APBA1: variants seen among roughly 807,000 people sequenced by gnomAD.
APBA1 encodes the protein amyloid beta precursor protein binding family A member 1, also known as amyloid-beta A4 precursor protein-binding family A member 1.
A neutral mutation model predicts 86.6 loss-of-function variants in APBA1; 55 were observed. That is an observed-to-expected ratio of 0.64 (90% CI 0.51 to 0.80). The LOEUF is 0.80. APBA1 is among the 30% of genes least tolerant of loss of function. APBA1 has a pLI of 0.00. For missense variants in APBA1, 1,090 were observed against 1,183.0 expected, an observed-to-expected ratio of 0.92 and a Z score of 1.15; for synonymous variants, 511 against 493.9, an observed-to-expected ratio of 1.03 and a Z score of -0.46.
chr9:69,499,491 C>G (rs1176542532), intron 2 of APBA1, among the ~76,000 whole-genome samples: 1 of 152,018 alleles, frequency 6.6e-6, no homozygotes, highest in Non-Finnish European at 1.5e-5. Context: ...TTCAGAATAC[C>G]TTAACAAGAA....
intron 11 of APBA1, among the ~76,000 whole-genome samples, chr9:69,435,591 A>T (rs1004806032): frequency 3.9e-5 from 6 of 152,154 alleles, no homozygotes; most frequent in African/African-American, 9.7e-5. Context: ...CATAAATGTC[A>T]TCTTTTGAGA....
chr9:69,538,935 A>C (rs1338337158), intron 1 of APBA1, among the ~76,000 whole-genome samples: 1 of 152,162 alleles, frequency 6.6e-6, no homozygotes, highest in African/African-American at 2.4e-5. Flanking sequence ...ATATTGCAAT[A>C]TCTTGTAGTC....
At chr9:69,571,117 A>T (rs974703387) in intron 1 of APBA1, among the ~76,000 whole-genome samples, 2 of 152,192 alleles carry the variant, frequency 1.3e-5, no homozygotes, top group African/African-American at 4.8e-5. Context: ...CACAACTTTT[A>T]TTATCAACTG....
chr9:69,533,965 G>T (rs569356921), intron 1 of APBA1, among the ~76,000 whole-genome samples: 1 of 152,244 alleles, frequency 6.6e-6, no homozygotes, highest in Non-Finnish European at 1.5e-5. Context: ...AATCCCAATG[G>T]ATTCATTTAC....
chr9:69,521,165 T>C (rs1183504395), intron 1 of APBA1, among the ~76,000 whole-genome samples: 3 of 152,150 alleles, frequency 2.0e-5, no homozygotes, highest in Non-Finnish European at 4.4e-5. Context: ...GTCACACATC[T>C]GGTAAGGGAG....
chr9:69,451,739 CTGTT>C (rs1329755577), intron 9 of APBA1, among the ~76,000 whole-genome samples: 2 of 152,158 alleles, frequency 1.3e-5, no homozygotes, highest in African/African-American at 2.4e-5. Context: ...GAGATCTTCT[CTGTT>C]TGTCCAAGTG....
At chr9:69,472,576 T>TA (rs1835382963) in intron 3 of APBA1, 1 of 152,208 alleles carries the variant, frequency 6.6e-6, no homozygotes, top group Non-Finnish European at 1.5e-5. Flanking sequence ...GACAAGTCCC[T>TA]AAAATGGGCA....
At chr9:69,619,941 T>C (rs1416313864) in intron 1 of APBA1, among the ~76,000 whole-genome samples, 1 of 152,242 alleles carries the variant, frequency 6.6e-6, no homozygotes, top group Non-Finnish European at 1.5e-5. Context: ...TAAAAATTTG[T>C]ATTCTCGGTT....
In APBA1 at chr9:69,516,295, G is replaced by A. The variant is rs36065434; in HGVS notation, c.916C>T (p.Pro306Ser). 6.4e-7 allele frequency: 1 copy of A among 1,553,992 alleles called. No homozygotes were observed. The highest frequency in any genetic ancestry group is 8.6e-7 in the Non-Finnish European group (1 of 1,156,518). ...GGGCTGTCGGGGCGACCCCCGGCCG[G>A]GGTAGGGGGACGCTCCAGGTCCTGC... ...AEQDLERPPT[P>S]AGGRPDSPGL... Residue 306 changes from proline (P) to serine (S), a missense_variant, in exon 2 of 13, where the codon CCG becomes TCG. Physicochemically the swap from Pro to Ser is moderately conservative, Grantham distance 74. Around this residue, in one of 6 missense-constraint regions of APBA1, gnomAD observed 678 missense variants for 647.1 expected, o/e 1.05. Transcript: ENST00000265381. This position sits in a 1 kb window ranked among gnomAD's most constrained non-coding sequence, Gnocchi z 7.3.
chr9:69,615,010 C>A (rs1162889677), intron 1 of APBA1, among the ~76,000 whole-genome samples: 1 of 152,118 alleles, frequency 6.6e-6, no homozygotes, highest in Admixed American at 6.5e-5. Context: ...ACCAGCCTGG[C>A]CAACATGGTG....
In APBA1 at chr9:69,516,405, T is replaced by G; in HGVS notation, c.806A>C (p.Asp269Ala). The G allele has an allele frequency of 6.2e-7, 1 of 1,604,596 alleles. No individual in the cohort carries two copies. Among genetic ancestry groups the G allele is most frequent in the Non-Finnish European group, 8.5e-7 (1 of 1,178,684 alleles). The change falls in exon 2 of 13, where the codon GAC (aspartate) becomes GCC (alanine). Residue 269 changes from aspartate to alanine, a missense_variant. By Grantham distance (126) the Asp-to-Ala change is moderately radical. Coordinates refer to ENST00000265381, the MANE Select transcript of APBA1 (RefSeq NM_001163.4). This position sits in a 1 kb window ranked among gnomAD's most constrained non-coding sequence, Gnocchi z 7.3. ...PRMDSYEQEE[D>A]IDQIVAEVKQ... Reference sequence around the variant, plus strand: ...CACCTCGGCCACTATCTGGTCGATGTCCTCCTCCTGCTCGTAGCTGTCCAT... The same window carrying G: ...CACCTCGGCCACTATCTGGTCGATGGCCTCCTCCTGCTCGTAGCTGTCCAT...
At chr9:69,481,647 G>C (rs1835510768) in intron 2 of APBA1, among the ~76,000 whole-genome samples, 1 of 150,756 alleles carries the variant, frequency 6.6e-6, no homozygotes, top group Admixed American at 6.6e-5. Context: ...AACCAAAAAA[G>C]AGCCCGCATC....
chr9:69,660,262 G>T (rs1306647270), intron 1 of APBA1, among the ~76,000 whole-genome samples: 2 of 152,148 alleles, frequency 1.3e-5, no homozygotes, highest in Non-Finnish European at 2.9e-5. Flanking sequence ...ACATGGTAGG[G>T]AAATACAAAG....
At chr9:69,468,199 G>A (rs1489972926) in intron 4 of APBA1, among the ~76,000 whole-genome samples, 1 of 152,204 alleles carries the variant, frequency 6.6e-6, no homozygotes, top group Non-Finnish European at 1.5e-5. Flanking sequence ...TATGGAAAGT[G>A]ATGCAAATAT....
At position 69,456,288 on chromosome 9, in the gene APBA1, T is replaced by C; in HGVS notation, c.1747A>G (p.Arg583Gly). 1 of 1,614,154 alleles carries C rather than the reference T, an allele frequency of 6.2e-7. No individual in the cohort carries two copies. Among genetic ancestry groups the C allele is most frequent in the Non-Finnish European group, 8.5e-7 (1 of 1,180,014 alleles). ...ACGTGGCAGATCATCTTGTACTGCC[T>C]TTTCCCATCCTGGGATGGGTGGGAC... Reference protein sequence around the residue: ...EASHPSQDGKRQYKMICHVFE... With the variant: ...EASHPSQDGKGQYKMICHVFE... Residue 583 changes from arginine (R) to glycine (G), a missense_variant, in exon 8 of 13, where the codon AGG becomes GGG. By Grantham distance (125) the Arg-to-Gly change is moderately radical (BLOSUM62 -2). Around this residue, in one of 6 missense-constraint regions of APBA1, gnomAD observed 103 missense variants for 91.9 expected, o/e 1.12. Transcript: ENST00000265381.
chr9:69,588,776 A>G (rs1339483865), intron 1 of APBA1, among the ~76,000 whole-genome samples: 1 of 152,210 alleles, frequency 6.6e-6, no homozygotes, highest in African/African-American at 2.4e-5. Context: ...AGATTATCTC[A>G]TTTAATCTCA....
At chr9:69,517,957 A>C (rs1055366337) in intron 1 of APBA1, among the ~76,000 whole-genome samples, 3 of 152,194 alleles carry the variant, frequency 2.0e-5, no homozygotes, top group African/African-American at 7.2e-5. Flanking sequence ...TTCATTGTTA[A>C]TATCCAGAAG....
At chr9:69,474,966 G>A (rs1219693173) in intron 3 of APBA1, among the ~76,000 whole-genome samples, 2 of 152,132 alleles carry the variant, frequency 1.3e-5, no homozygotes, top group Admixed American at 1.3e-4. Context: ...TCATCATGTG[G>A]TTTACCTCTT....
At chr9:69,659,181 GTC>G (rs1297687168) in intron 1 of APBA1, among the ~76,000 whole-genome samples, 3 of 152,078 alleles carry the variant, frequency 2.0e-5, no homozygotes, top group African/African-American at 7.2e-5. Flanking sequence ...CAGTGTCACA[GTC>G]CTACATATGA....
Sources: allele counts gnomAD v4.1 joint callset (sites outside exome capture counted in the v4.1 genomes callset), GRCh38; gene constraint gnomAD v4.1.1; regional missense constraint gnomAD v4.1.1; non-coding constraint Gnocchi (gnomAD v3.1); transcripts MANE v1.5; gene names NCBI Gene and HGNC (gene_info 2026-07-23, HGNC 2026-07-21).